Variants in COL23A1 observed in about 807,000 individuals in gnomAD.
The protein encoded by COL23A1 is collagen type XXIII alpha 1 chain.
COL23A1 carries 97 observed loss-of-function variants against 99.3 expected under a neutral mutation model. The ratio of observed to expected loss-of-function variants is 0.98; its 90% CI spans 0.83 to 1.16. The LOEUF (loss-of-function observed/expected upper bound fraction) is 1.16, where lower values mean the gene tolerates loss of function less well. COL23A1 is among the 50% of genes most tolerant of loss of function. The pLI, the probability that COL23A1 is intolerant of heterozygous loss-of-function variation, is 0.00. For synonymous variants in COL23A1, 320 were observed against 308.2 expected (o/e 1.04, Z -0.40); for missense variants, 762 against 757.4 (o/e 1.01, Z -0.07).
intron 11 of COL23A1, among the ~76,000 whole-genome samples, chr5:178,260,044 C>T (rs1038868237): frequency 2.0e-5 from 3 of 152,252 alleles, no homozygotes; most frequent in Non-Finnish European, 2.9e-5. Context: ...AGCTCTTTCC[C>T]ATCCTTCCTC....
In COL23A1 at chr5:178,570,250, C is replaced by A. The variant is rs759541805; in HGVS notation, c.295-9502G>T. On this transcript the variant is annotated intron_variant, in intron 1 of 28. Transcript: ENST00000390654. ...ACCTCAGCCTCCCAAGTAGTTGGGA[C>A]TACAGGTGCCGCCAAGTCAGGCTAA... Among the ~76,000 whole-genome samples the A allele has an allele frequency of 9.1e-4, 139 of 152,038 alleles. 1 individual carries two copies. The highest frequency in any genetic ancestry group is 1.7e-3 in the Non-Finnish European group (113 of 67,972).
chr5:178,260,165 A>G (rs907749899), intron 11 of COL23A1, among the ~76,000 whole-genome samples: 1 of 152,204 alleles, frequency 6.6e-6, no homozygotes, highest in African/African-American at 2.4e-5. Flanking sequence ...GAGGCTGGAC[A>G]AGCTAACATG....
chr5:178,276,540 CTG>C (rs557972195), intron 5 of COL23A1, among the ~76,000 whole-genome samples: 82 of 152,216 alleles, frequency 5.4e-4, no homozygotes, highest in African/African-American at 1.9e-3. Flanking sequence ...GTGCACATTC[CTG>C]TGTGAAGGTT....
At chr5:178,517,100 C>T in intron 2 of COL23A1, among the ~76,000 whole-genome samples, 1 of 152,198 alleles carries the variant, frequency 6.6e-6, no homozygotes, top group East Asian at 1.9e-4. Context: ...CACCTGCCCA[C>T]AGCCAAGAAA....
chr5:178,386,099 C>T (rs1561926487), intron 2 of COL23A1, among the ~76,000 whole-genome samples: 1 of 152,082 alleles, frequency 6.6e-6, no homozygotes, highest in Non-Finnish European at 1.5e-5. Context: ...TTGTATCCAA[C>T]CCGGGCTTCG....
At chr5:178,514,348 C>T (rs542998829) in intron 2 of COL23A1, among the ~76,000 whole-genome samples, 1 of 152,310 alleles carries the variant, frequency 6.6e-6, no homozygotes, top group South Asian at 2.1e-4. Context: ...CACGTCTTGG[C>T]GACTGTGATT....
intron 2 of COL23A1, among the ~76,000 whole-genome samples, chr5:178,539,238 T>TA (rs1272504900): frequency 3.3e-5 from 5 of 152,144 alleles, no homozygotes; most frequent in Non-Finnish European, 7.3e-5. Flanking sequence ...ACTTCAATCT[T>TA]AATAAAGCTG....
intron 5 of COL23A1, among the ~76,000 whole-genome samples, chr5:178,276,587 C>A (rs923889685): frequency 6.6e-6 from 1 of 151,942 alleles, no homozygotes; most frequent in South Asian, 2.1e-4. Flanking sequence ...TTAGAGCCGG[C>A]TGGTGGATAA....
At chr5:178,334,525 G>T (rs188300145) in intron 2 of COL23A1, among the ~76,000 whole-genome samples, 3 of 152,330 alleles carry the variant, frequency 2.0e-5, no homozygotes, top group South Asian at 4.1e-4. Context: ...ACCATAACTC[G>T]GTGATTACTG....
At position 178,281,304 on chromosome 5, in the gene COL23A1, G is replaced by A. The variant is rs1756884825; in HGVS notation, c.441+7020C>T. Among the ~76,000 whole-genome samples, 1 of 152,056 alleles carries A rather than the reference G, an allele frequency of 6.6e-6. No homozygotes were observed. The highest frequency in any genetic ancestry group is 1.5e-5 in the Non-Finnish European group (1 of 67,876). On this transcript the variant is annotated intron_variant, in intron 5 of 28. Coordinates refer to ENST00000390654, the MANE Select transcript of COL23A1 (RefSeq NM_173465.4). The surrounding 1 kb of genome is among the most constrained non-coding windows in gnomAD (Gnocchi z 4.0). The stretch of plus-strand genomic sequence containing the variant: ...CAAGAGTGCAAGAGAGCGTGTGAAC[G>A]TGCGGTGCTCCATGGGCCTTTCTTG...
intron 5 of COL23A1, among the ~76,000 whole-genome samples, chr5:178,282,302 T>C (rs1332245437): frequency 6.6e-6 from 1 of 152,168 alleles, no homozygotes; most frequent in Non-Finnish European, 1.5e-5. Flanking sequence ...TAGTTTTTGT[T>C]TTTCTTTTTT....
chr5:178,268,943 A>C (rs545043290), intron 6 of COL23A1, among the ~76,000 whole-genome samples, 187 bp from the exon 7 acceptor site: 1 of 152,248 alleles, frequency 6.6e-6, no homozygotes, highest in South Asian at 2.1e-4. Flanking sequence ...TCCACATCTC[A>C]GTCCTCAGCA....
intron 2 of COL23A1, among the ~76,000 whole-genome samples, chr5:178,421,329 G>A (rs769981958): frequency 1.4e-4 from 21 of 152,182 alleles, no homozygotes; most frequent in Non-Finnish European, 2.9e-4. Flanking sequence ...ACCAGAACCC[G>A]CCCTTACTAG....
intron 1 of COL23A1, chr5:178,561,927 G>T (rs1211610215): frequency 1.4e-5 from 5 of 344,956 alleles, no homozygotes; most frequent in South Asian, 1.2e-4. Flanking sequence ...CCGGAAAGGC[G>T]CTTCACAGTT....
chr5:178,584,727 G>A (rs888690031), intron 1 of COL23A1, among the ~76,000 whole-genome samples: 3 of 152,174 alleles, frequency 2.0e-5, no homozygotes, highest in Non-Finnish European at 4.4e-5. Context: ...CAAGGAGCTG[G>A]GGGAAAGGCA....
rs1463007396 is a variant in COL23A1 at position 178,428,177 on chromosome 5, C to A, written c.362-121258G>T. 1.3e-5 allele frequency among the ~76,000 whole-genome samples: 2 copies of A among 152,222 alleles called. No homozygotes were observed. The highest frequency in any genetic ancestry group is 1.3e-4 in the Admixed American group (2 of 15,274). On this transcript the variant is annotated intron_variant, in intron 2 of 28. Transcript: ENST00000390654. This position sits in a 1 kb window ranked among gnomAD's most constrained non-coding sequence, Gnocchi z 5.0. Reference sequence around the variant, plus strand: ...TCACAGGGAAAAGAGAACGAGGAATCCAAAGTCCTGAGCAATCGTGTCCCC... The same window carrying A: ...TCACAGGGAAAAGAGAACGAGGAATACAAAGTCCTGAGCAATCGTGTCCCC...
intron 2 of COL23A1, among the ~76,000 whole-genome samples, chr5:178,348,207 C>A (rs1052913297): frequency 6.6e-6 from 1 of 152,114 alleles, no homozygotes; most frequent in Admixed American, 6.5e-5. Context: ...AGGGCTTGGG[C>A]GGGCTCTTCC....
chr5:178,512,971 C>T (rs1170562322), intron 2 of COL23A1, among the ~76,000 whole-genome samples: 1 of 152,138 alleles, frequency 6.6e-6, no homozygotes. Context: ...AGGTGTGTGC[C>T]CACCACTCCA....
chr5:178,565,057 T>C (rs1762774788), intron 1 of COL23A1, among the ~76,000 whole-genome samples: 1 of 152,082 alleles, frequency 6.6e-6, no homozygotes, highest in Non-Finnish European at 1.5e-5. Flanking sequence ...CATCAGGAAA[T>C]AGGATTATGA....
Sources: gnomAD v4.1 joint callset for allele counts (sites outside exome capture counted in the v4.1 genomes callset) on GRCh38, gnomAD v4.1.1 for gene constraint, Gnocchi (gnomAD v3.1) non-coding constraint, MANE v1.5 for transcripts, NCBI Gene and HGNC (gene_info 2026-07-23, HGNC 2026-07-21) for gene names.